The following ADGRE3 variants were observed in gnomAD, a reference collection of about 807,000 sequenced individuals.
The protein encoded by ADGRE3 is adhesion G protein-coupled receptor E3.
In ADGRE3, 88 loss-of-function variants were observed where a neutral mutation model predicts 80.1. The observed-to-expected ratio is 1.10, with a 90% CI of 0.93 to 1.31. The LOEUF is 1.31. Ranked by LOEUF, ADGRE3 falls within the 40% of genes most tolerant of loss-of-function variation. The pLI is 0.00. For missense variants in ADGRE3, 715 were observed against 776.5 expected (o/e 0.92, Z 0.94); for synonymous variants, 281 against 294.8 (o/e 0.95, Z 0.48).
At chr19:14,607,367 C>A in the ADGRE3 span, among the ~76,000 whole-genome samples, 401 of 125,286 alleles carry the variant, frequency 3.2e-3, 1 homozygote, top group African/African-American at 9.9e-3. Flanking sequence ...CCATGCCCGG[C>A]TAATTTTTTG....
intron 11 of ADGRE3, among the ~76,000 whole-genome samples, chr19:14,636,149 T>TCTTCCTTCCTTCCTTCCTTCCTTCCTTC (rs1555755846): frequency 7.4e-5 from 3 of 40,608 alleles, no homozygotes; most frequent in African/African-American, 2.2e-4. Flanking sequence ...TTTCTTTCTT[T>TCTTCCTTCCTTCCTTCCTTCCTTCCTTC]CTTCCTTTCC....
chr19:14,628,673 G>T, intron 14 of ADGRE3: 1 of 380,952 alleles, frequency 2.6e-6, no homozygotes. Context: ...CTGTTCCATG[G>T]TTTGAGATGT....
intron 15 of ADGRE3, among the ~76,000 whole-genome samples, chr19:14,620,568 A>ATATATATATTT (rs1435435269): frequency 1.8e-4 from 2 of 11,048 alleles, no homozygotes; most frequent in African/African-American, 4.1e-4. Flanking sequence ...ATATATATAT[A>ATATATATATTT]TTTTTTTTTT....
At chr19:14,641,751 T>G (rs1376981173) in intron 9 of ADGRE3, 135 bp from the exon 10 acceptor site, 1 of 1,067,810 alleles carries the variant, frequency 9.4e-7, no homozygotes, top group African/African-American at 1.6e-5. Flanking sequence ...TAATGTAGAT[T>G]GCTAATGTAG....
rs1408512874 is a variant in ADGRE3, at chr19:14,641,403, G to A, written c.1248+16C>T. 1 of 1,613,880 alleles carries A rather than the reference G, an allele frequency of 6.2e-7. No individual in the cohort carries two copies. Among genetic ancestry groups the A allele is most frequent in the South Asian group, 1.1e-5 (1 of 91,074 alleles). ...CCTTGGGGCAGAAAGGGCATCCTCT[G>A]AGACACTGTCAGTACCTTGGGTTCA... On this transcript the variant is annotated intron_variant, in intron 10 of 15. Transcript: ENST00000253673.
At chr19:14,665,936 G>GTATATATATATATATATA (rs71309616) in intron 2 of ADGRE3, among the ~76,000 whole-genome samples, 4 of 42,088 alleles carry the variant, frequency 9.5e-5, no homozygotes, top group Admixed American at 3.2e-4. Context: ...ACACATATGT[G>GTATATATATATATATATA]TATATATATA....
At chr19:14,654,901 A>AT (rs555416966) in intron 6 of ADGRE3, 81 bp downstream of exon 6, 9,420 of 1,017,710 alleles carry the variant, frequency 9.3e-3, no homozygotes, top group South Asian at 0.011. Context: ...GGTGTATTCA[A>AT]TTTTTTTTTT....
Position 14,633,118 on chromosome 19 carries a change from G to A in ADGRE3, c.1552-106C>T, listed in dbSNP as rs148098184. ...ACCCTCTTGTACATGGGACTGAATT[G>A]GTAGCAGGTGGAAAATCAAACCACC... On this transcript the variant is annotated intron_variant, in intron 12 of 15. Transcript: ENST00000253673. 2.2e-5 allele frequency: 27 copies of A among 1,244,106 alleles called. No homozygotes were observed. In the African/African-American group the frequency reaches 3.1e-4, roughly 14 times the overall value. 77.1% of individuals were successfully genotyped at this position (1,244,106 alleles called of 1,614,324 possible). A position where few individuals can be genotyped will look rare whatever the true frequency, so the allele number is the denominator to read the frequency against.
intron 14 of ADGRE3, among the ~76,000 whole-genome samples, chr19:14,629,082 G>A (rs531015720): frequency 2.0e-5 from 3 of 151,878 alleles, no homozygotes; most frequent in East Asian, 1.9e-4. Context: ...CATCATACCC[G>A]GGTAATTGTT....
intron 15 of ADGRE3, among the ~76,000 whole-genome samples, chr19:14,623,927 G>A (rs896605321): frequency 1.3e-5 from 2 of 152,222 alleles, no homozygotes; most frequent in South Asian, 2.1e-4. Context: ...CCAGGTTATC[G>A]GGAAAAGGAC....
chr19:14,647,722 G>GT (rs1411825670), intron 7 of ADGRE3, among the ~76,000 whole-genome samples: 2 of 150,804 alleles, frequency 1.3e-5, no homozygotes, highest in Non-Finnish European at 3.0e-5. Context: ...CCGGTCTGCC[G>GT]TTTTTTAGAA....
rs959016355 is a variant in ADGRE3, at chr19:14,658,646, C to T, written c.356-96G>A. On this transcript the variant is annotated intron_variant, in intron 4 of 15. Transcript: ENST00000253673. ...GTAAGTAATGGGGTGAGCAACTTTG[C>T]ACCTAGAAGGTAAAAGCCTGAATTC... is the stretch of plus-strand genomic sequence containing the variant. 23 of 668,250 alleles carry T rather than the reference C, an allele frequency of 3.4e-5. No individual in the cohort carries two copies. The East Asian group carries it at 6.9e-4, about 20-fold the overall frequency. 41.4% of individuals were successfully genotyped at this position (668,250 alleles called of 1,614,324 possible). A position where few individuals can be genotyped will look rare whatever the true frequency, so the allele number is the denominator to read the frequency against.
chr19:14,664,747 C>A (rs989415097), intron 2 of ADGRE3, among the ~76,000 whole-genome samples: 3 of 151,834 alleles, frequency 2.0e-5, no homozygotes, highest in African/African-American at 7.2e-5. Flanking sequence ...TTGTATGGTA[C>A]CATGGGAGGG....
chr19:14,611,275 G>C, the ADGRE3 span: 2 of 150,976 alleles, frequency 1.3e-5, no homozygotes. Flanking sequence ...AATTATTTTT[G>C]ACCAGCAACT....
intron 15 of ADGRE3, 115 bp from the exon 16 acceptor site, chr19:14,619,586 C>T (rs1031708029): frequency 2.6e-6 from 2 of 783,406 alleles, no homozygotes; most frequent in Non-Finnish European, 2.2e-6. Flanking sequence ...AACCAGCAGG[C>T]AAGGATGGCA....
intron 6 of ADGRE3, among the ~76,000 whole-genome samples, chr19:14,654,466 T>G (rs1971697239): frequency 1.3e-5 from 2 of 151,876 alleles, no homozygotes; most frequent in Non-Finnish European, 1.5e-5. Flanking sequence ...GGTCTTGCTA[T>G]GTTGCCCAGG....
chr19:14,625,128 T>C (rs974537341), intron 15 of ADGRE3, among the ~76,000 whole-genome samples: 27 of 152,214 alleles, frequency 1.8e-4, no homozygotes, highest in Admixed American at 9.8e-4. Flanking sequence ...TACAGGTGCA[T>C]ACCACCACAC....
chr19:14,629,621 C>A (rs1179369417), intron 14 of ADGRE3, among the ~76,000 whole-genome samples: 2 of 152,148 alleles, frequency 1.3e-5, no homozygotes, highest in Non-Finnish European at 2.9e-5. Context: ...TCACAAGGAG[C>A]AGGCCTAAAT....
rs778304843 is a variant in ADGRE3 at position 14,655,185 on chromosome 19, T to C, written c.394-20A>G. On this transcript the variant is annotated intron_variant, in intron 5 of 15. Coordinates refer to ENST00000253673, the MANE Select transcript of ADGRE3 (RefSeq NM_032571.5). ...TTGCAGCTTTGAAGACATAAAGAAT[T>C]TTCATTTTTTAAAAATGTAATCTGG... 3 of 1,590,482 alleles carry C rather than the reference T, an allele frequency of 1.9e-6. 1 individual carries two copies. The highest frequency in any genetic ancestry group is 1.1e-5 in the South Asian group (1 of 87,126).
Sources: gnomAD v4.1 joint callset for allele counts (sites outside exome capture counted in the v4.1 genomes callset) on GRCh38, gnomAD v4.1.1 for gene constraint, MANE v1.5 for transcripts, NCBI Gene and HGNC (gene_info 2026-07-23, HGNC 2026-07-21) for gene names.